The following OPA1 variants were observed in gnomAD, a reference collection of about 807,000 sequenced individuals.
OPA1 encodes OPA1 mitochondrial dynamin like GTPase, also known as dynamin-like GTPase OPA1, mitochondrial.
In OPA1, 59 loss-of-function variants were observed where a neutral mutation model predicts 152.9. That is an observed-to-expected ratio of 0.39 (90% CI 0.31 to 0.48). OPA1 has a LOEUF of 0.48. Ranked by LOEUF, OPA1 falls within the 20% of genes least tolerant of loss-of-function variation. The probability of loss-of-function intolerance (pLI) is 0.96; values close to 1 mark genes in which losing one functional copy is unlikely to be tolerated. For synonymous variants in OPA1, 400 were observed against 389.9 expected, an observed-to-expected ratio of 1.03 and a Z score of -0.31; for missense variants, 1,008 against 1,216.8, an observed-to-expected ratio of 0.83 and a Z score of 2.55.
chr3:193,640,990 G>T (rs571976321), intron 11 of OPA1, among the ~76,000 whole-genome samples: 12 of 152,268 alleles, frequency 7.9e-5, no homozygotes, highest in African/African-American at 2.9e-4. Context: ...GTGTGGTACT[G>T]TGTGACTGTA....
Position 193,614,944 on chromosome 3 carries a change from G to A in OPA1, c.254G>A (p.Arg85His), listed in dbSNP as rs35630194. ...FSPIKYGYQP[R>H]RNFWPARLAT... ...CCAATTAAATATGGCTACCAGCCTC[G>A]CAGGAATTTTTGGCCAGCAAGATTA... is the stretch of plus-strand genomic sequence containing the variant. The change falls in exon 2 of 31, where the codon CGC becomes CAC. Residue 85 changes from arginine to histidine, a missense_variant. Around this residue, in one of 7 missense-constraint regions of OPA1, gnomAD observed 408 missense variants for 395.1 expected, o/e 1.03. Coordinates refer to ENST00000361510, the MANE Select transcript of OPA1 (RefSeq NM_130837.3). 1.5e-4 allele frequency: 240 copies of A among 1,613,836 alleles called. 1 individual carries two copies. The African/African-American group carries it at 2.4e-3, about 16-fold the overall frequency.
intron 29 of OPA1, among the ~76,000 whole-genome samples, chr3:193,683,838 G>A (rs1489858158): frequency 1.3e-5 from 2 of 152,060 alleles, no homozygotes; most frequent in Non-Finnish European, 2.9e-5. Flanking sequence ...TAACTTAAAC[G>A]CACCGGAAAA....
chr3:193,659,375 A>G (rs1714684876), intron 24 of OPA1, 107 bp from the exon 25 acceptor site: 3 of 961,138 alleles, frequency 3.1e-6, no homozygotes, highest in Non-Finnish European at 3.2e-6. Flanking sequence ...AACTGCCTTC[A>G]TATTGATATA....
chr3:193,657,440 A>G (rs969640692), intron 23 of OPA1, among the ~76,000 whole-genome samples: 11 of 152,166 alleles, frequency 7.2e-5, no homozygotes, highest in Non-Finnish European at 1.5e-4. Context: ...CTTGGCTATC[A>G]TTTCAGAAAA....
Position 193,626,084 on chromosome 3 carries a change from C to T in OPA1, c.679-8C>T, listed in dbSNP as rs114348597. 1,661 of 1,608,376 alleles carry T rather than the reference C, an allele frequency of 1.0e-3. 20 individuals are homozygous for T. In the African/African-American group the frequency reaches 0.019, roughly 18 times the overall value. On this transcript the variant is annotated splice_region_variant and splice_polypyrimidine_tract_variant and intron_variant, in intron 6 of 30. Coordinates refer to ENST00000361510, the MANE Select transcript of OPA1 (RefSeq NM_130837.3). The stretch of plus-strand genomic sequence containing the variant: ...TTTCCTCTTCTCCTCATTGTGAACT[C>T]GTGGCAGGGTCTGCTTGGTGAGCTC...
chr3:193,594,533 A>G (rs1185198219), intron 1 of OPA1, among the ~76,000 whole-genome samples: 1 of 152,182 alleles, frequency 6.6e-6, no homozygotes, highest in East Asian at 1.9e-4. Flanking sequence ...AATTACAGGC[A>G]CGCGCCAGCA....
chr3:193,601,461 A>AG (rs1259041502), intron 1 of OPA1, among the ~76,000 whole-genome samples: 3 of 152,226 alleles, frequency 2.0e-5, no homozygotes, highest in African/African-American at 7.2e-5. Context: ...AGAGACCCTC[A>AG]GGGGTTGGAA....
chr3:193,637,401 A>G (rs1402497427), intron 10 of OPA1, 120 bp downstream of exon 10: 12 of 540,810 alleles, frequency 2.2e-5, no homozygotes, highest in Middle Eastern at 3.4e-4. Flanking sequence ...GTAGGCATTT[A>G]TATTTTTTAT....
intron 29 of OPA1, among the ~76,000 whole-genome samples, chr3:193,678,788 C>T (rs535380539): frequency 2.0e-5 from 3 of 152,054 alleles, no homozygotes; most frequent in South Asian, 4.1e-4. Flanking sequence ...CCTTTGTGTG[C>T]TTGTGTATTC....
chr3:193,672,928 T>TA (rs1718257215), intron 29 of OPA1, among the ~76,000 whole-genome samples: 1 of 151,298 alleles, frequency 6.6e-6, no homozygotes, highest in Non-Finnish European at 1.5e-5. Context: ...TATTTTACAA[T>TA]AAATTCCTTT....
At chr3:193,666,793 A>T (rs1054312659) in intron 28 of OPA1, among the ~76,000 whole-genome samples, 7 of 148,872 alleles carry the variant, frequency 4.7e-5, no homozygotes, top group Admixed American at 4.0e-4. Context: ...TTGTCTCTTT[A>T]AAAAAAAAAG....
At chr3:193,602,148 C>G (rs1726562730) in intron 1 of OPA1, among the ~76,000 whole-genome samples, 1 of 152,152 alleles carries the variant, frequency 6.6e-6, no homozygotes, top group African/African-American at 2.4e-5. Context: ...AGGATGCTGT[C>G]TGCTTCTGGG....
chr3:193,669,952 G>GA (rs992977713), intron 29 of OPA1, among the ~76,000 whole-genome samples: 3 of 152,120 alleles, frequency 2.0e-5, no homozygotes, highest in Admixed American at 6.5e-5. Flanking sequence ...AATTATAATG[G>GA]TGTTAATGTA....
chr3:193,681,703 C>G (rs2109396905), intron 29 of OPA1, among the ~76,000 whole-genome samples: 1 of 152,298 alleles, frequency 6.6e-6, no homozygotes, highest in East Asian at 1.9e-4. Flanking sequence ...GTAATTCTTG[C>G]AATATTTCAA....
chr3:193,616,271 G>A (rs544731935), intron 3 of OPA1, among the ~76,000 whole-genome samples: 252 of 152,216 alleles, frequency 1.7e-3, no homozygotes, highest in African/African-American at 5.8e-3. Context: ...GCCTCTCAAA[G>A]CACTGAGATT....
intron 7 of OPA1, among the ~76,000 whole-genome samples, chr3:193,630,993 C>T (rs544215095): frequency 1.1e-3 from 164 of 152,208 alleles, no homozygotes; most frequent in Non-Finnish European, 2.0e-3. Context: ...TGGATGCATT[C>T]TCTGTGTTAC....
In OPA1 at chr3:193,618,334, C is replaced by T. The variant is rs138367504; in HGVS notation, c.610+497C>T. 9.1e-4 allele frequency among the ~76,000 whole-genome samples: 139 copies of T among 151,966 alleles called. 1 individual carries two copies. Among genetic ancestry groups the T allele is most frequent in the African/African-American group, 2.7e-3 (113 of 41,446 alleles). ...TCTACTAAAAATACAAAAAATTTGC[C>T]GGGCGTGGTGGCACACGCCTGTAGT... On this transcript the variant is annotated intron_variant, in intron 5 of 30. Transcript: ENST00000361510.
chr3:193,673,213 T>C (rs932681102), intron 29 of OPA1, among the ~76,000 whole-genome samples: 4 of 152,192 alleles, frequency 2.6e-5, no homozygotes, highest in African/African-American at 9.7e-5. Flanking sequence ...TTGGAAAATA[T>C]GATGACATAA....
chr3:193,631,797 G>T, intron 8 of OPA1, 132 bp downstream of exon 8: 1 of 744,724 alleles, frequency 1.3e-6, no homozygotes, highest in Non-Finnish European at 2.4e-6. Flanking sequence ...TATTATTATC[G>T]ATAGATGCAA....
Sources: gnomAD v4.1 joint callset for allele counts (sites outside exome capture counted in the v4.1 genomes callset) on GRCh38, gnomAD v4.1.1 for gene constraint, gnomAD v4.1.1 regional missense constraint, MANE v1.5 for transcripts, NCBI Gene and HGNC (gene_info 2026-07-23, HGNC 2026-07-21) for gene names.